LY86: variants seen among roughly 807,000 people sequenced by gnomAD.
LY86 encodes MD-1, RP105-associated.
LY86 carries 20 observed loss-of-function variants against 17.3 expected under a neutral mutation model. That is an observed-to-expected ratio of 1.15 (90% CI 0.81 to 1.68). The LOEUF (loss-of-function observed/expected upper bound fraction) is 1.68, where lower values mean the gene tolerates loss of function less well. Ranked by LOEUF, LY86 falls within the 40% of genes most tolerant of loss-of-function variation. The pLI is 0.00. For synonymous variants in LY86, 74 were observed against 70.6 expected, an observed-to-expected ratio of 1.05 and a Z score of -0.24; for missense variants, 200 against 191.9, an observed-to-expected ratio of 1.04 and a Z score of -0.25.
Position 6,588,860 on chromosome 6 carries a change from C to G in LY86, c.126C>G (p.Tyr42Ter). ...GCGACAGCGGCTTGGAAGTGCTCTA[C>G]CAGAGTTGCGGTAAGCCCTTGCAGT... is the stretch of plus-strand genomic sequence containing the variant. ...VCSDSGLEVL[Y>*]QSCDPLQDFG... is the part of the protein sequence containing the mutation. Residue 42 changes from tyrosine to a stop codon, truncating the protein, a stop_gained, in exon 1 of 5, where the codon TAC becomes TAG. Coordinates refer to ENST00000230568, the MANE Select transcript of LY86 (RefSeq NM_004271.4). LOFTEE classifies it high-confidence loss of function. 1 of 1,614,028 alleles carries G rather than the reference C, an allele frequency of 6.2e-7. No individual in the cohort carries two copies. The highest frequency in any genetic ancestry group is 1.3e-5 in the African/African-American group (1 of 75,036).
intron 3 of LY86, among the ~76,000 whole-genome samples, chr6:6,636,625 T>C (rs1761962271): frequency 6.6e-6 from 1 of 152,212 alleles, no homozygotes; most frequent in Admixed American, 6.5e-5. Context: ...TATTTTCTGA[T>C]GGTTGAACAA....
intron 1 of LY86, among the ~76,000 whole-genome samples, chr6:6,601,747 A>T (rs915123318): frequency 6.6e-6 from 1 of 152,068 alleles, no homozygotes; most frequent in Non-Finnish European, 1.5e-5. Context: ...AAAGAAATAT[A>T]CAATAGAAAG....
At chr6:6,614,929 C>T (rs1761516433) in intron 1 of LY86, among the ~76,000 whole-genome samples, 1 of 152,036 alleles carries the variant, frequency 6.6e-6, no homozygotes, top group Non-Finnish European at 1.5e-5. Flanking sequence ...AGGGAGAGGC[C>T]GGGAGCATCT....
intron 1 of LY86, among the ~76,000 whole-genome samples, chr6:6,612,713 C>G (rs1373563588): frequency 1.3e-5 from 2 of 152,206 alleles, no homozygotes; most frequent in Non-Finnish European, 2.9e-5. Flanking sequence ...CGTTTACAAT[C>G]CCTGAGCTAG....
At chr6:6,618,262 C>T (rs1761598931) in intron 1 of LY86, among the ~76,000 whole-genome samples, 1 of 152,204 alleles carries the variant, frequency 6.6e-6, no homozygotes, top group South Asian at 2.1e-4. Flanking sequence ...CATTGCCACT[C>T]ATCTGTTATG....
At chr6:6,595,269 G>T (rs922009844) in intron 1 of LY86, among the ~76,000 whole-genome samples, 1 of 145,722 alleles carries the variant, frequency 6.9e-6, no homozygotes, top group East Asian at 2.0e-4. Flanking sequence ...AAGGGGAGGA[G>T]GAGGATGAGG....
chr6:6,642,868 C>G (rs146545766), intron 3 of LY86, among the ~76,000 whole-genome samples: 1,821 of 152,356 alleles, frequency 0.012, 20 homozygotes, highest in Middle Eastern at 0.044. Flanking sequence ...TCCCTCCCTC[C>G]TCCTCCTCCG....
At chr6:6,605,601 A>T (rs1761092940) in intron 1 of LY86, among the ~76,000 whole-genome samples, 1 of 152,268 alleles carries the variant, frequency 6.6e-6, no homozygotes, top group Admixed American at 6.5e-5. Context: ...TAGTCTCATG[A>T]CATTGCAGCC....
intron 2 of LY86, 23 bp downstream of exon 2, chr6:6,625,035 A>G (rs376096581): frequency 1.0e-5 from 12 of 1,143,294 alleles, no homozygotes; most frequent in East Asian, 2.4e-5. Flanking sequence ...AATGATTAGC[A>G]TGAAATAAAA....
chr6:6,633,400 C>T (rs1201286961), intron 3 of LY86, among the ~76,000 whole-genome samples: 1 of 152,084 alleles, frequency 6.6e-6, no homozygotes, highest in Non-Finnish European at 1.5e-5. Context: ...TATATTATTT[C>T]CAACTTCTAT....
At chr6:6,633,148 A>G (rs1318842687) in intron 3 of LY86, among the ~76,000 whole-genome samples, 3 of 152,202 alleles carry the variant, frequency 2.0e-5, no homozygotes, top group Admixed American at 6.5e-5. Context: ...AAACTCAGGT[A>G]TCACCCTGGG....
chr6:6,642,160 C>A (rs899956194), intron 3 of LY86, among the ~76,000 whole-genome samples: 1 of 152,254 alleles, frequency 6.6e-6, no homozygotes, highest in African/African-American at 2.4e-5. Flanking sequence ...CCCCTAAAAG[C>A]ATATGCTGCT....
intron 3 of LY86, among the ~76,000 whole-genome samples, chr6:6,646,996 A>G (rs1205004307): frequency 6.6e-6 from 1 of 152,152 alleles, no homozygotes; most frequent in Non-Finnish European, 1.5e-5. Context: ...GTCCATGAAT[A>G]TTGTATTCCT....
chr6:6,612,553 A>G lies in LY86; in HGVS notation c.137-12373A>G, dbSNP rs565623028. The stretch of plus-strand genomic sequence containing the variant: ...CCAACCACACAAAAGCAACGAAACA[A>G]CCAGTTGTCACTAGTGGAGCCTGCA... On this transcript the variant is annotated intron_variant, in intron 1 of 4. Transcript: ENST00000230568. Among the ~76,000 whole-genome samples the G allele has an allele frequency of 4.6e-5, 7 of 152,250 alleles. 1 individual carries two copies. The highest frequency in any genetic ancestry group is 1.7e-4 in the African/African-American group (7 of 41,546).
At chr6:6,649,480 T>TCTCGGTGGGCG in intron 3 of LY86, 145 bp from the exon 4 acceptor site, 1 of 598,354 alleles carries the variant, frequency 1.7e-6, no homozygotes, top group South Asian at 2.1e-5. Context: ...TAGGTGTAGA[T>TCTCGGTGGGCG]CAGGAAATGA....
intron 1 of LY86, among the ~76,000 whole-genome samples, chr6:6,605,705 G>A (rs766370702): frequency 4.2e-4 from 64 of 151,956 alleles, no homozygotes; most frequent in Non-Finnish European, 6.9e-4. Flanking sequence ...GAATGAAGCC[G>A]CGGAACCTCG....
At chr6:6,614,377 C>CTTTTT (rs57187485) in intron 1 of LY86, among the ~76,000 whole-genome samples, 1 of 145,550 alleles carries the variant, frequency 6.9e-6, no homozygotes, top group African/African-American at 2.5e-5. Context: ...AATCACGTCT[C>CTTTTT]TTTTTTTTTT....
intron 1 of LY86, among the ~76,000 whole-genome samples, chr6:6,595,390 A>C (rs1244556312): frequency 3.5e-5 from 2 of 56,580 alleles, no homozygotes; most frequent in Non-Finnish European, 1.1e-4. Context: ...GGGAGAAGAG[A>C]AGGAGGAAAA....
At chr6:6,609,550 T>G (rs548585091) in intron 1 of LY86, among the ~76,000 whole-genome samples, 1 of 152,332 alleles carries the variant, frequency 6.6e-6, no homozygotes, top group African/African-American at 2.4e-5. Context: ...CTACTCCACC[T>G]TAAATCCAGG....
Sources: allele counts gnomAD v4.1 joint callset (sites outside exome capture counted in the v4.1 genomes callset), GRCh38; gene constraint gnomAD v4.1.1; transcripts MANE v1.5; gene names NCBI Gene and HGNC (gene_info 2026-07-23, HGNC 2026-07-21).